The following ZNF385D variants were observed in gnomAD, a reference collection of about 807,000 sequenced individuals.
The protein encoded by ZNF385D is zinc finger protein 385D, also known as zinc finger protein 659.
In ZNF385D, 15 loss-of-function variants were observed where a neutral mutation model predicts 35.8. The ratio of observed to expected loss-of-function variants is 0.42; its 90% confidence interval spans 0.28 to 0.64. The LOEUF is 0.64. ZNF385D is among the 30% of genes least tolerant of loss of function. ZNF385D has a pLI of 0.23. For missense variants in ZNF385D, 474 were observed against 494.6 expected, an observed-to-expected ratio of 0.96 and a Z score of 0.39; for synonymous variants, 212 against 186.8, an observed-to-expected ratio of 1.13 and a Z score of -1.10.
At chr3:22,345,067 A>G (rs1435195136) in intron 2 of ZNF385D, among the ~76,000 whole-genome samples, 1 of 152,186 alleles carries the variant, frequency 6.6e-6, no homozygotes, top group Non-Finnish European at 1.5e-5. Context: ...TATGATCATC[A>G]TGGGTCCTAG....
At chr3:22,156,285 T>C (rs1009398892) in intron 3 of ZNF385D, among the ~76,000 whole-genome samples, 4 of 151,980 alleles carry the variant, frequency 2.6e-5, no homozygotes, top group African/African-American at 9.7e-5. Context: ...TGGAATAAAG[T>C]ATACATACTC....
chr3:21,642,062 G>A (rs941408167), intron 2 of ZNF385D, among the ~76,000 whole-genome samples: 1 of 152,064 alleles, frequency 6.6e-6, no homozygotes, highest in African/African-American at 2.4e-5. Flanking sequence ...AAACTCATCT[G>A]CATAATAAAA....
At chr3:22,351,496 A>AT in intron 2 of ZNF385D, among the ~76,000 whole-genome samples, 1 of 152,110 alleles carries the variant, frequency 6.6e-6, no homozygotes, top group Non-Finnish European at 1.5e-5. Flanking sequence ...CTTTAAGGGT[A>AT]TTTTCCAGAT....
At chr3:21,863,190 A>T (rs76087155) in intron 3 of ZNF385D, among the ~76,000 whole-genome samples, 1 of 152,280 alleles carries the variant, frequency 6.6e-6, no homozygotes, top group East Asian at 1.9e-4. Context: ...TTGAACTAGA[A>T]GTTTCATTAA....
intron 4 of ZNF385D, among the ~76,000 whole-genome samples, chr3:21,489,763 A>G (rs559484616): frequency 6.6e-6 from 1 of 152,212 alleles, no homozygotes; most frequent in East Asian, 1.9e-4. Context: ...GCAATGGGTT[A>G]TGGACCTCTA....
intron 2 of ZNF385D, among the ~76,000 whole-genome samples, chr3:22,318,763 G>A (rs1351808185): frequency 1.3e-5 from 2 of 152,126 alleles, no homozygotes; most frequent in East Asian, 1.9e-4. Flanking sequence ...AATGAACAAT[G>A]TAGAAGTAAT....
chr3:21,713,328 T>C (rs1186944982), intron 1 of ZNF385D, among the ~76,000 whole-genome samples: 1 of 152,220 alleles, frequency 6.6e-6, no homozygotes, highest in Non-Finnish European at 1.5e-5. Context: ...TTGAGTGCTC[T>C]GCAATCTTCT....
intron 3 of ZNF385D, among the ~76,000 whole-genome samples, chr3:21,817,044 T>A (rs2073181267): frequency 6.6e-6 from 1 of 152,288 alleles, no homozygotes; most frequent in African/African-American, 2.4e-5. Flanking sequence ...TGTATAACCA[T>A]CTGATCTTTG....
chr3:22,236,101 CAAAT>C (rs1180899961), intron 2 of ZNF385D, among the ~76,000 whole-genome samples: 2 of 151,838 alleles, frequency 1.3e-5, no homozygotes, highest in Non-Finnish European at 2.9e-5. Flanking sequence ...ACAATCAGCA[CAAAT>C]AATAATACAA....
intron 2 of ZNF385D, among the ~76,000 whole-genome samples, chr3:22,232,996 A>C (rs1056358513): frequency 6.6e-6 from 1 of 152,130 alleles, no homozygotes; most frequent in Admixed American, 6.6e-5. Flanking sequence ...TTAAATTCTA[A>C]GTTTAAATTC....
chr3:22,091,584 C>T (rs1306677350), intron 3 of ZNF385D, among the ~76,000 whole-genome samples: 1 of 131,216 alleles, frequency 7.6e-6, no homozygotes, highest in African/African-American at 2.9e-5. Context: ...TTTATCTACC[C>T]AGTAGGAAAA....
At chr3:22,172,413 T>A (rs955501040) in intron 2 of ZNF385D, among the ~76,000 whole-genome samples, 3 of 152,100 alleles carry the variant, frequency 2.0e-5, no homozygotes, top group Non-Finnish European at 2.9e-5. Flanking sequence ...GTGAGTTAAT[T>A]TGAGAAAAAA....
chr3:21,556,294 G>T (rs898288286), intron 3 of ZNF385D, among the ~76,000 whole-genome samples: 1 of 152,064 alleles, frequency 6.6e-6, no homozygotes, highest in South Asian at 2.1e-4. Flanking sequence ...TGAAGTCCTT[G>T]CCCATGCTTA....
chr3:21,988,639 C>T (rs917745367), intron 3 of ZNF385D, among the ~76,000 whole-genome samples: 1 of 151,154 alleles, frequency 6.6e-6, no homozygotes, highest in African/African-American at 2.4e-5. Context: ...TGTGCCCTGC[C>T]CGCAGAGGTG....
At chr3:21,494,258 TC>T (rs1311249049) in intron 4 of ZNF385D, among the ~76,000 whole-genome samples, 1 of 152,106 alleles carries the variant, frequency 6.6e-6, no homozygotes, top group Non-Finnish European at 1.5e-5. Context: ...TCTTACCAGC[TC>T]CCATGCAGGT....
At chr3:21,617,223 G>C (rs965296047) in intron 2 of ZNF385D, among the ~76,000 whole-genome samples, 1 of 152,154 alleles carries the variant, frequency 6.6e-6, no homozygotes, top group Non-Finnish European at 1.5e-5. Context: ...TGATGGCAAG[G>C]TCTCTCAGCT....
At chr3:22,301,500 T>C (rs1437271033) in intron 2 of ZNF385D, among the ~76,000 whole-genome samples, 2 of 152,064 alleles carry the variant, frequency 1.3e-5, no homozygotes, top group Non-Finnish European at 2.9e-5. Context: ...CCCTAATGTA[T>C]ATATATTTCA....
intron 3 of ZNF385D, among the ~76,000 whole-genome samples, chr3:21,843,156 G>T (rs1445119101): frequency 6.6e-6 from 1 of 152,014 alleles, no homozygotes; most frequent in African/African-American, 2.4e-5. Context: ...AAGACAAGCT[G>T]AACAGGACAA....
At chr3:22,205,671 TA>T (rs1697100678) in intron 2 of ZNF385D, among the ~76,000 whole-genome samples, 1 of 152,046 alleles carries the variant, frequency 6.6e-6, no homozygotes, top group Non-Finnish European at 1.5e-5. Flanking sequence ...GCAACAGTGT[TA>T]AGTTGTCATC....
Sources: allele counts gnomAD v4.1 joint callset (sites outside exome capture counted in the v4.1 genomes callset), GRCh38; gene constraint gnomAD v4.1.1; transcripts MANE v1.5; gene names NCBI Gene and HGNC (gene_info 2026-07-23, HGNC 2026-07-21).